Variants in FGF12 observed in about 807,000 individuals in gnomAD.
FGF12 encodes fibroblast growth factor 12B.
A neutral mutation model predicts 23.6 loss-of-function variants in FGF12; 14 were observed. The observed-to-expected ratio is 0.59, with a 90% confidence interval of 0.39 to 0.93. The LOEUF is 0.93. Among genes scored for constraint, FGF12 ranks in the 40% least tolerant of loss-of-function variants. The pLI is 0.00. For synonymous variants in FGF12, 62 were observed against 77.3 expected, an observed-to-expected ratio of 0.80 and a Z score of 1.04; for missense variants, 175 against 217.8, an observed-to-expected ratio of 0.80 and a Z score of 1.24.
At chr3:192,658,693 C>G (rs915557276) in intron 2 of FGF12, among the ~76,000 whole-genome samples, 1 of 139,478 alleles carries the variant, frequency 7.2e-6, no homozygotes, top group Non-Finnish European at 1.6e-5. Context: ...TTTATTTGTC[C>G]AGTGCAATAA....
intron 2 of FGF12, among the ~76,000 whole-genome samples, chr3:192,554,318 G>A (rs909096279): frequency 2.0e-5 from 3 of 152,064 alleles, no homozygotes; most frequent in South Asian, 2.1e-4. Flanking sequence ...CTGTGTCTTC[G>A]GACTTAGTGC....
intron 4 of FGF12, among the ~76,000 whole-genome samples, chr3:192,309,336 T>C (rs1321459838): frequency 2.6e-5 from 4 of 152,152 alleles, no homozygotes; most frequent in Non-Finnish European, 2.9e-5. Flanking sequence ...GTGGCTACAG[T>C]GAGGACACAA....
chr3:192,648,159 T>C (rs552168058), intron 2 of FGF12, among the ~76,000 whole-genome samples: 2 of 152,150 alleles, frequency 1.3e-5, no homozygotes, highest in Non-Finnish European at 2.9e-5. Context: ...TGACACAATA[T>C]TCTATCATTA....
At chr3:192,694,669 A>G (rs1718057034) in intron 2 of FGF12, among the ~76,000 whole-genome samples, 1 of 151,092 alleles carries the variant, frequency 6.6e-6, no homozygotes, top group Admixed American at 6.6e-5. Context: ...TACACAGTAA[A>G]ATAGTATACA....
intron 4 of FGF12, among the ~76,000 whole-genome samples, chr3:192,314,297 AC>A (rs1292807252): frequency 6.6e-6 from 1 of 152,056 alleles, no homozygotes; most frequent in Non-Finnish European, 1.5e-5. Context: ...TAAAAAAAAA[AC>A]AAAATAAAAG....
chr3:192,271,232 G>T (rs1236402339), intron 4 of FGF12, among the ~76,000 whole-genome samples: 1 of 152,160 alleles, frequency 6.6e-6, no homozygotes, highest in African/African-American at 2.4e-5. Flanking sequence ...GTAACATCCA[G>T]TACATCTGCT....
intron 5 of FGF12, among the ~76,000 whole-genome samples, chr3:192,161,698 T>C (rs1313123213): frequency 2.6e-5 from 4 of 152,104 alleles, no homozygotes; most frequent in Non-Finnish European, 1.5e-5. Context: ...CCTTCATACT[T>C]CCAAGGATTT....
intron 2 of FGF12, among the ~76,000 whole-genome samples, chr3:192,452,890 T>C (rs534556462): frequency 1.3e-5 from 2 of 152,360 alleles, no homozygotes; most frequent in Admixed American, 1.3e-4. Context: ...TATACTTTCT[T>C]TGACATTCAA....
At chr3:192,573,064 G>C (rs1173619571) in intron 2 of FGF12, among the ~76,000 whole-genome samples, 1 of 152,156 alleles carries the variant, frequency 6.6e-6, no homozygotes, top group Non-Finnish European at 1.5e-5. Context: ...CAGAAGTAAT[G>C]AGCAAAACTT....
intron 2 of FGF12, among the ~76,000 whole-genome samples, chr3:192,530,608 A>G (rs1725062530): frequency 6.6e-6 from 1 of 152,238 alleles, no homozygotes; most frequent in African/African-American, 2.4e-5. Context: ...GAAATCTAAG[A>G]AAATTGGACT....
intron 2 of FGF12, among the ~76,000 whole-genome samples, chr3:192,536,941 A>G (rs1725238000): frequency 6.6e-6 from 1 of 151,536 alleles, no homozygotes; most frequent in South Asian, 2.1e-4. Flanking sequence ...AACTATCCTC[A>G]TTCCCCGCCA....
chr3:192,555,599 A>G (rs1363445127), intron 2 of FGF12, among the ~76,000 whole-genome samples: 2 of 148,994 alleles, frequency 1.3e-5, no homozygotes, highest in Non-Finnish European at 3.0e-5. Context: ...CCTGGCCAAC[A>G]TAGCGAGACC....
chr3:192,315,694 G>A (rs774427927), intron 4 of FGF12, among the ~76,000 whole-genome samples: 3 of 152,080 alleles, frequency 2.0e-5, no homozygotes, highest in Admixed American at 1.3e-4. Context: ...TTGCAGACTG[G>A]GGTATAGAAC....
At position 192,328,524 on chromosome 3, in the gene FGF12, C is replaced by G. The variant is rs544590790; in HGVS notation, c.228+6837G>C. 2.8e-3 allele frequency among the ~76,000 whole-genome samples: 430 copies of G among 152,310 alleles called. 1 individual carries two copies. The highest frequency in any genetic ancestry group is 4.0e-3 in the Non-Finnish European group (273 of 68,018). On this transcript the variant is annotated intron_variant, in intron 4 of 5. Coordinates refer to ENST00000445105, the MANE Select transcript of FGF12 (RefSeq NM_004113.6). ...AATAGAAGCTCAGTATTTGGTACTT[C>G]TACTGAATCCTGCTTTAGGTATTTC...
At chr3:192,327,572 C>A (rs111415977) in intron 4 of FGF12, among the ~76,000 whole-genome samples, 2,006 of 115,818 alleles carry the variant, frequency 0.017, 87 homozygotes, top group East Asian at 0.081. Flanking sequence ...AAAAATAAAC[C>A]TTTTAAAAAC....
intron 2 of FGF12, among the ~76,000 whole-genome samples, chr3:192,566,073 C>A (rs1056635829): frequency 1.3e-5 from 2 of 152,124 alleles, no homozygotes; most frequent in Non-Finnish European, 2.9e-5. Flanking sequence ...GCAAAAAGAA[C>A]GAAGTTCCGT....
intron 4 of FGF12, among the ~76,000 whole-genome samples, chr3:192,255,565 ATAAT>A (rs1176840020): frequency 7.9e-5 from 12 of 152,102 alleles, no homozygotes; most frequent in Admixed American, 7.9e-4. Flanking sequence ...GTATAATAAA[ATAAT>A]TAGATATCTG....
intron 4 of FGF12, among the ~76,000 whole-genome samples, chr3:192,226,035 T>C (rs1718715590): frequency 6.6e-6 from 1 of 152,176 alleles, no homozygotes; most frequent in Admixed American, 6.6e-5. Flanking sequence ...ATACTGGTGA[T>C]GAATGCACAA....
intron 2 of FGF12, among the ~76,000 whole-genome samples, chr3:192,663,615 T>A (rs952330620): frequency 2.6e-5 from 4 of 152,216 alleles, no homozygotes; most frequent in African/African-American, 9.6e-5. Flanking sequence ...GGGGCTCTCA[T>A]GTCAGAGAAG....
Sources: allele counts gnomAD v4.1 joint callset (sites outside exome capture counted in the v4.1 genomes callset), GRCh38; gene constraint gnomAD v4.1.1; transcripts MANE v1.5; gene names NCBI Gene and HGNC (gene_info 2026-07-23, HGNC 2026-07-21).